CIB1: variants seen among roughly 807,000 people sequenced by gnomAD.
CIB1 encodes the protein calcium and integrin binding 1, also known as calcium and integrin-binding protein 1.
Under a neutral mutation model 25.0 loss-of-function variants are expected in CIB1, and 19 were observed. The ratio of observed to expected loss-of-function variants is 0.76; its 90% confidence interval spans 0.53 to 1.12. The LOEUF is 1.12. CIB1 is among the 50% of genes most tolerant of loss of function. The pLI is 0.00. For missense variants in CIB1, 236 were observed against 242.6 expected, an observed-to-expected ratio of 0.97 and a Z score of 0.18; for synonymous variants, 104 against 98.5, an observed-to-expected ratio of 1.06 and a Z score of -0.33.
chr15:90,247,199 C>A, the CIB1 span, among the ~76,000 whole-genome samples: 4 of 150,686 alleles, frequency 2.7e-5, no homozygotes, highest in Non-Finnish European at 5.9e-5. Flanking sequence ...TGGTCTCGAA[C>A]TCCTGACCTC....
At chr15:90,232,127 C>A in intron 3 of CIB1, 92 bp downstream of exon 3, 1 of 999,202 alleles carries the variant, frequency 1.0e-6, no homozygotes, top group Non-Finnish European at 1.5e-6. Context: ...GACCAGTGAC[C>A]CCATGATCCC....
chr15:90,234,252 G>A (rs564860795), upstream of CIB1: 3 of 220,990 alleles, frequency 1.4e-5, no homozygotes, highest in Non-Finnish European at 2.6e-5. Context: ...CCCCGGCAGC[G>A]GCTGCGGGGA....
chr15:90,256,184 A>T, the CIB1 span: 1 of 1,614,174 alleles, frequency 6.2e-7, no homozygotes, highest in Non-Finnish European at 8.5e-7. Context: ...AAAAGCCCGC[A>T]CATATATCTG....
chr15:90,256,618 C>T, the CIB1 span, among the ~76,000 whole-genome samples: 1,783 of 48,062 alleles, frequency 0.037, 43 homozygotes, highest in African/African-American at 0.15. Flanking sequence ...TCCTTCCTTC[C>T]TTCCTTCCTT....
chr15:90,257,214 T>C, the CIB1 span: 2 of 1,613,630 alleles, frequency 1.2e-6, no homozygotes, highest in Admixed American at 3.3e-5. Context: ...CTCCGGATCT[T>C]CACATATGAG....
intron 2 of CIB1, 109 bp downstream of exon 2, chr15:90,233,560 G>T: frequency 1.5e-6 from 2 of 1,369,668 alleles, no homozygotes; most frequent in Non-Finnish European, 2.0e-6. Context: ...TCCAGCTCCC[G>T]CTCCTCTGCA....
At chr15:90,250,474 C>T in the CIB1 span, 1 of 828,562 alleles carries the variant, frequency 1.2e-6, no homozygotes, top group South Asian at 1.8e-5. Context: ...TCCCATTCCT[C>T]AGTGAAACAG....
the CIB1 span, chr15:90,242,248 C>G: frequency 1.6e-5 from 5 of 318,686 alleles, no homozygotes; most frequent in Non-Finnish European, 2.1e-5. Flanking sequence ...CCACCACACA[C>G]CTGGCTTTTT....
intron 2 of CIB1, 99 bp from the exon 3 acceptor site, chr15:90,232,426 A>T: frequency 2.1e-6 from 3 of 1,455,952 alleles, no homozygotes; most frequent in Non-Finnish European, 2.7e-6. Context: ...CCAGGTGAGG[A>T]GCTAAAACCA....
At chr15:90,262,133 C>A in the CIB1 span, 1 of 1,535,874 alleles carries the variant, frequency 6.5e-7, no homozygotes. Flanking sequence ...CTTCTTCAAG[C>A]ACAATGGCTC....
the CIB1 span, among the ~76,000 whole-genome samples, chr15:90,247,053 G>T: frequency 1.3e-5 from 2 of 150,734 alleles, no homozygotes; most frequent in Admixed American, 1.3e-4. Context: ...TTGGCTCACT[G>T]CAACCTCTGC....
chr15:90,237,842 C>T (rs1417421652), upstream of CIB1, among the ~76,000 whole-genome samples: 2 of 152,048 alleles, frequency 1.3e-5, no homozygotes, highest in East Asian at 3.8e-4. Context: ...GTCCCAGCTA[C>T]TTGGGAGGCT....
chr15:90,231,122 C>T lies in CIB1; in HGVS notation c.438G>A (p.Ala146=), dbSNP rs144975236. ...TGTCGATGAGCTGCTTCATCTCAGA[C>T]GCACTAAGCCGTGTGTCCTCGCCCT... ...TGEGEDTRLS[A]SEMKQLIDNI... Residue 146 remains alanine (A), a synonymous_variant, in exon 5 of 7, where the codon GCG becomes GCA. Transcript: ENST00000328649. 1.4e-5 allele frequency: 23 copies of T among 1,614,212 alleles called. No homozygotes were observed. In the African/African-American group the frequency reaches 1.9e-4, roughly 13 times the overall value.
chr15:90,231,049 A>G (rs1304220413), intron 5 of CIB1, 27 bp from the exon 6 acceptor site: 3 of 1,612,614 alleles, frequency 1.9e-6, no homozygotes, highest in East Asian at 2.2e-5. Flanking sequence ...TTCAGGCCAG[A>G]GCCCCAACTG....
the CIB1 span, among the ~76,000 whole-genome samples, chr15:90,259,964 G>A: frequency 3.4e-4 from 51 of 152,148 alleles, no homozygotes; most frequent in Non-Finnish European, 5.9e-4. Context: ...CCAATATGCA[G>A]GGGCAGTGTG....
chr15:90,265,276 T>G, the CIB1 span: 1 of 1,232,028 alleles, frequency 8.1e-7, no homozygotes, highest in Non-Finnish European at 1.0e-6. Flanking sequence ...GGCCCGGGGC[T>G]GGAGGCCATC....
At chr15:90,238,014 T>A (rs1220043478), upstream of CIB1, among the ~76,000 whole-genome samples, 2 of 152,200 alleles carry the variant, frequency 1.3e-5, no homozygotes, top group Non-Finnish European at 2.9e-5. Context: ...TTTTAAACAT[T>A]TTTGGCCAGG....
chr15:90,243,535 T>C, the CIB1 span: 3 of 151,912 alleles, frequency 2.0e-5, no homozygotes, highest in Non-Finnish European at 4.4e-5. Context: ...TTTGTAGAGA[T>C]AGGGTCTTGC....
the CIB1 span, chr15:90,265,109 T>C: frequency 2.4e-6 from 3 of 1,269,372 alleles, no homozygotes; most frequent in African/African-American, 3.0e-5. Context: ...TAAGGCAAAA[T>C]ACAAAGACAC....
Sources: gnomAD v4.1 joint callset for allele counts (sites outside exome capture counted in the v4.1 genomes callset) on GRCh38, gnomAD v4.1.1 for gene constraint, MANE v1.5 for transcripts, NCBI Gene and HGNC (gene_info 2026-07-23, HGNC 2026-07-21) for gene names.